Variants in PDE9A observed in about 807,000 individuals in gnomAD.
The protein encoded by PDE9A is high affinity cGMP-specific 3',5'-cyclic phosphodiesterase 9A.
Under a neutral mutation model 87.4 loss-of-function variants are expected in PDE9A, and 60 were observed. The ratio of observed to expected loss-of-function variants is 0.69; its 90% CI spans 0.56 to 0.85. The LOEUF is 0.85. Ranked by LOEUF, PDE9A falls within the 40% of genes least tolerant of loss-of-function variation. The pLI is 0.00. For missense variants in PDE9A, 665 were observed against 779.0 expected, an observed-to-expected ratio of 0.85 and a Z score of 1.74; for synonymous variants, 272 against 279.4, an observed-to-expected ratio of 0.97 and a Z score of 0.27.
chr21:42,707,096 G>A (rs73905754), intron 4 of PDE9A, among the ~76,000 whole-genome samples: 2,091 of 152,296 alleles, frequency 0.014, 41 homozygotes, highest in African/African-American at 0.048. Context: ...TGCTGCAAAC[G>A]TTTGTGTGCA....
At chr21:42,663,057 A>G (rs2057699906) in intron 1 of PDE9A, among the ~76,000 whole-genome samples, 1 of 143,984 alleles carries the variant, frequency 6.9e-6, no homozygotes, top group African/African-American at 2.8e-5. Context: ...ACATGCACAC[A>G]CCACACTTAC....
At chr21:42,657,954 T>C (rs960374178) in intron 1 of PDE9A, among the ~76,000 whole-genome samples, 3 of 152,182 alleles carry the variant, frequency 2.0e-5, no homozygotes, top group African/African-American at 7.2e-5. Flanking sequence ...ACCAGAGCAG[T>C]GAATGCGCAC....
chr21:42,728,202 G>A (rs1180478332), intron 4 of PDE9A, among the ~76,000 whole-genome samples: 1 of 152,154 alleles, frequency 6.6e-6, no homozygotes, highest in Non-Finnish European at 1.5e-5. Flanking sequence ...ATGTGCATAG[G>A]TTATATGCAA....
rs994167066 is a variant in PDE9A at position 42,660,096 on chromosome 21, G to A, written c.69+6213G>A. On this transcript the variant is annotated intron_variant, in intron 1 of 19. Coordinates refer to ENST00000291539, the MANE Select transcript of PDE9A (RefSeq NM_002606.3). This position sits in a 1 kb window ranked among gnomAD's most constrained non-coding sequence, Gnocchi z 4.7. ...CAGTCCTGGGCTTGCTTCCCAGGGGGTGGTGGGCAACCCTGAACCCTCTCT... is the reference window on the plus strand; with the variant it reads ...CAGTCCTGGGCTTGCTTCCCAGGGGATGGTGGGCAACCCTGAACCCTCTCT... Among the ~76,000 whole-genome samples the A allele has an allele frequency of 6.6e-6, 1 of 152,188 alleles. No homozygotes were observed. Among genetic ancestry groups the A allele is most frequent in the Non-Finnish European group, 1.5e-5 (1 of 68,026 alleles).
intron 4 of PDE9A, among the ~76,000 whole-genome samples, chr21:42,708,803 G>A (rs1324225456): frequency 1.3e-5 from 2 of 152,132 alleles, no homozygotes; most frequent in Admixed American, 6.6e-5. Flanking sequence ...TGATCCACCT[G>A]CCTCAGCCTC....
At chr21:42,668,874 C>T in intron 1 of PDE9A, among the ~76,000 whole-genome samples, 1 of 143,284 alleles carries the variant, frequency 7.0e-6, no homozygotes, top group Non-Finnish European at 1.5e-5. Context: ...GAATTCCCCA[C>T]GGATTATCAG....
chr21:42,730,155 A>C, intron 4 of PDE9A, among the ~76,000 whole-genome samples: 1 of 152,136 alleles, frequency 6.6e-6, no homozygotes, highest in East Asian at 1.9e-4. Context: ...CCCTATGATG[A>C]TTCTTGTTGA....
In PDE9A at chr21:42,718,588, A is replaced by T. The variant is rs370547448; in HGVS notation, c.263-13182A>T. Among the ~76,000 whole-genome samples, 3 of 150,462 alleles carry T rather than the reference A, an allele frequency of 2.0e-5. No individual in the cohort carries two copies. In the East Asian group the frequency reaches 5.8e-4, roughly 29 times the overall value. ...TCCATGAAGTTTTTTTTTGTTTAGG[A>T]TATTATATTTTAAAATTCTAAAATT... On this transcript the variant is annotated intron_variant, in intron 4 of 19. Coordinates refer to ENST00000291539, the MANE Select transcript of PDE9A (RefSeq NM_002606.3).
intron 16 of PDE9A, chr21:42,768,599 C>T: frequency 1.0e-6 from 1 of 985,442 alleles, no homozygotes; most frequent in Non-Finnish European, 1.2e-6. Context: ...GCAAGGACTG[C>T]AGAAGCAGGA....
intron 1 of PDE9A, among the ~76,000 whole-genome samples, chr21:42,666,677 T>C (rs1346041067): frequency 1.3e-5 from 2 of 152,198 alleles, no homozygotes; most frequent in Non-Finnish European, 1.5e-5. Flanking sequence ...AGCCTCTGCA[T>C]GTCTGTGTCC....
intron 9 of PDE9A, among the ~76,000 whole-genome samples, chr21:42,753,197 G>T (rs1181048746): frequency 6.6e-6 from 1 of 151,932 alleles, no homozygotes; most frequent in Non-Finnish European, 1.5e-5. Flanking sequence ...GTAGAGTCGG[G>T]ATTCCACCAT....
chr21:42,758,196 C>G (rs2055280890), intron 10 of PDE9A: 1 of 152,274 alleles, frequency 6.6e-6, no homozygotes, highest in South Asian at 2.1e-4. Context: ...GTCAAACTCT[C>G]ATTTTTAAAA....
chr21:42,655,145 CACAA>C lies in PDE9A; in HGVS notation c.69+1266_69+1269del, dbSNP rs759510490. Among the ~76,000 whole-genome samples, 35 of 150,584 alleles carry C rather than the reference CACAA, an allele frequency of 2.3e-4. 1 individual carries two copies. Among genetic ancestry groups the C allele is most frequent in the Non-Finnish European group, 3.7e-4 (25 of 67,976 alleles). Reference sequence around the variant, plus strand: ...ATGCTCCAATGCTCACACATCCACTCACAAACACACACACGCACACACGTGCATA... The same window carrying C: ...ATGCTCCAATGCTCACACATCCACTCACACACACACGCACACACGTGCATA... On this transcript the variant is annotated intron_variant, in intron 1 of 19. Transcript: ENST00000291539.
intron 10 of PDE9A, chr21:42,758,330 A>T (rs531044456): frequency 6.6e-6 from 1 of 152,366 alleles, no homozygotes; most frequent in African/African-American, 2.4e-5. Context: ...TTGAACAGGG[A>T]TATTGATAGA....
chr21:42,676,777 G>A (rs1264370061), intron 1 of PDE9A, among the ~76,000 whole-genome samples: 1 of 152,202 alleles, frequency 6.6e-6, no homozygotes, highest in Non-Finnish European at 1.5e-5. Context: ...AGGCCAATGT[G>A]GCTGCTCTTA....
chr21:42,689,685 C>T, intron 3 of PDE9A: 1 of 985,420 alleles, frequency 1.0e-6, no homozygotes. Flanking sequence ...GCCCCAGGTG[C>T]CTTATTAACA....
chr21:42,744,726 T>G (rs928277148), intron 8 of PDE9A, among the ~76,000 whole-genome samples: 13 of 152,192 alleles, frequency 8.5e-5, no homozygotes, highest in Non-Finnish European at 1.9e-4. Context: ...CAGTTTTGTG[T>G]ACAGCAGGAC....
chr21:42,703,125 G>A (rs977868774), intron 4 of PDE9A, among the ~76,000 whole-genome samples: 29 of 152,346 alleles, frequency 1.9e-4, no homozygotes, highest in Admixed American at 1.1e-3. Flanking sequence ...AAGTGGAAGC[G>A]GGATATAGAG....
chr21:42,771,676 G>A (rs1334194394), intron 18 of PDE9A, among the ~76,000 whole-genome samples: 2 of 152,210 alleles, frequency 1.3e-5, no homozygotes, highest in African/African-American at 4.8e-5. Flanking sequence ...ATGCCCTTTT[G>A]AGCACTGAGC....
Sources: allele counts gnomAD v4.1 joint callset (sites outside exome capture counted in the v4.1 genomes callset), GRCh38; gene constraint gnomAD v4.1.1; non-coding constraint Gnocchi (gnomAD v3.1); transcripts MANE v1.5; gene names NCBI Gene and HGNC (gene_info 2026-07-23, HGNC 2026-07-21).